NKAIN2: variants seen among roughly 807,000 people sequenced by gnomAD.
NKAIN2 encodes sodium/potassium transporting ATPase interacting 2.
A neutral mutation model predicts 32.6 loss-of-function variants in NKAIN2; 14 were observed. The ratio of observed to expected loss-of-function variants is 0.43; its 90% CI spans 0.28 to 0.67. NKAIN2 has a LOEUF of 0.67. NKAIN2 is among the 30% of genes least tolerant of loss of function. The pLI, the probability that NKAIN2 is intolerant of heterozygous loss-of-function variation, is 0.17. For synonymous variants in NKAIN2, 80 were observed against 87.2 expected (o/e 0.92, Z 0.46); for missense variants, 198 against 258.3 (o/e 0.77, Z 1.60).
chr6:123,906,370 G>GGCA (rs1562250305), intron 1 of NKAIN2, among the ~76,000 whole-genome samples: 2 of 151,316 alleles, frequency 1.3e-5, no homozygotes, highest in Non-Finnish European at 2.9e-5. Flanking sequence ...GGCTCACTGC[G>GGCA]GTCTCGACTT....
intron 1 of NKAIN2, among the ~76,000 whole-genome samples, chr6:124,166,226 G>T (rs1457445379): frequency 6.9e-6 from 1 of 145,784 alleles, no homozygotes; most frequent in Admixed American, 6.9e-5. Context: ...GTGTGAGATG[G>T]TATCTCATTG....
At chr6:124,707,780 A>G (rs1438042221) in intron 4 of NKAIN2, among the ~76,000 whole-genome samples, 5 of 151,618 alleles carry the variant, frequency 3.3e-5, no homozygotes, top group African/African-American at 4.9e-5. Flanking sequence ...ATTTTCTCCC[A>G]TTGTGTAGGT....
At chr6:123,962,638 A>G (rs140870281) in intron 1 of NKAIN2, among the ~76,000 whole-genome samples, 7 of 152,266 alleles carry the variant, frequency 4.6e-5, no homozygotes, top group Non-Finnish European at 8.8e-5. Flanking sequence ...ATTGCACTTT[A>G]GTCATGAGTA....
chr6:124,369,028 G>A (rs190732219), intron 3 of NKAIN2, among the ~76,000 whole-genome samples: 2 of 152,126 alleles, frequency 1.3e-5, no homozygotes, highest in East Asian at 3.9e-4. Context: ...GAAGCAATGA[G>A]GATATTACTA....
At chr6:124,644,877 A>G (rs1022825436) in intron 3 of NKAIN2, among the ~76,000 whole-genome samples, 3 of 152,198 alleles carry the variant, frequency 2.0e-5, no homozygotes, top group Non-Finnish European at 4.4e-5. Flanking sequence ...ACTTCAAGAA[A>G]ACCCTTATGT....
At chr6:124,755,410 G>A (rs965497782) in intron 4 of NKAIN2, among the ~76,000 whole-genome samples, 3 of 152,024 alleles carry the variant, frequency 2.0e-5, no homozygotes, top group African/African-American at 7.2e-5. Context: ...ATCTTGTCTG[G>A]CAACACCCTC....
intron 4 of NKAIN2, among the ~76,000 whole-genome samples, chr6:124,707,322 G>C (rs1158501477): frequency 6.6e-6 from 1 of 151,976 alleles, no homozygotes; most frequent in Non-Finnish European, 1.5e-5. Context: ...TGTCTTTATA[G>C]CAGAATGATT....
intron 1 of NKAIN2, among the ~76,000 whole-genome samples, chr6:123,914,938 G>A (rs1775413555): frequency 1.3e-5 from 2 of 152,220 alleles, no homozygotes; most frequent in Middle Eastern, 3.4e-3. Flanking sequence ...GCCTCACAAG[G>A]GAGCCTGCAT....
At chr6:124,785,280 T>A (rs544557561) in intron 4 of NKAIN2, among the ~76,000 whole-genome samples, 47 of 152,268 alleles carry the variant, frequency 3.1e-4, no homozygotes, top group African/African-American at 9.4e-4. Context: ...GCTGAGACCT[T>A]CTAATATTTT....
chr6:124,408,204 G>T (rs548477352), intron 3 of NKAIN2, among the ~76,000 whole-genome samples: 1 of 152,006 alleles, frequency 6.6e-6, no homozygotes, highest in African/African-American at 2.4e-5. Flanking sequence ...AGTTTAATTA[G>T]ATCCCATTTG....
intron 1 of NKAIN2, among the ~76,000 whole-genome samples, chr6:123,895,573 G>C (rs1209961986): frequency 1.3e-5 from 2 of 152,164 alleles, no homozygotes; most frequent in African/African-American, 4.8e-5. Flanking sequence ...CTAGGGACAG[G>C]TTAGGGTCAC....
chr6:123,890,300 A>C (rs1291614610), intron 1 of NKAIN2, among the ~76,000 whole-genome samples: 1 of 151,896 alleles, frequency 6.6e-6, no homozygotes, highest in Non-Finnish European at 1.5e-5. Flanking sequence ...TTATAAGACT[A>C]CTCAAGCAGA....
At chr6:124,815,721 C>T (rs1224649204) in intron 5 of NKAIN2, among the ~76,000 whole-genome samples, 1 of 152,126 alleles carries the variant, frequency 6.6e-6, no homozygotes, top group Admixed American at 6.5e-5. Flanking sequence ...TGATCCATCT[C>T]CTGTAAAATA....
rs1182330251 is a variant in NKAIN2, at chr6:124,279,921, A to C, written c.55-3084A>C. On this transcript the variant is annotated intron_variant, in intron 1 of 6. Transcript: ENST00000368417. ...AAATAAAAACTTCATAAAGATAGTA[A>C]TGGAAGGGAAGATAATTCTTTGTGG... Among the ~76,000 whole-genome samples the C allele has an allele frequency of 2.0e-5, 3 of 152,296 alleles. No homozygotes were observed. The East Asian group carries it at 5.8e-4, about 29-fold the overall frequency.
At chr6:124,608,604 T>C (rs1460231794) in intron 3 of NKAIN2, among the ~76,000 whole-genome samples, 1 of 152,206 alleles carries the variant, frequency 6.6e-6, no homozygotes, top group Non-Finnish European at 1.5e-5. Context: ...GCCAAATCTC[T>C]ATCTTGTCAA....
At chr6:124,727,533 GC>G (rs1302235592) in intron 4 of NKAIN2, among the ~76,000 whole-genome samples, 2 of 151,552 alleles carry the variant, frequency 1.3e-5, no homozygotes, top group Admixed American at 6.6e-5. Flanking sequence ...CACCAGGCCT[GC>G]CCTAAAAGAG....
At chr6:123,977,489 T>C (rs1455399777) in intron 1 of NKAIN2, among the ~76,000 whole-genome samples, 2 of 152,174 alleles carry the variant, frequency 1.3e-5, no homozygotes, top group Non-Finnish European at 2.9e-5. Context: ...TACATTTTAA[T>C]CAAATGGTTA....
At chr6:124,423,845 C>G (rs1291541284) in intron 3 of NKAIN2, among the ~76,000 whole-genome samples, 1 of 152,174 alleles carries the variant, frequency 6.6e-6, no homozygotes, top group Non-Finnish European at 1.5e-5. Context: ...GAGATACTGA[C>G]TTCCTTTCCT....
chr6:124,654,398 A>G (rs73575524), intron 3 of NKAIN2, among the ~76,000 whole-genome samples: 3,306 of 152,260 alleles, frequency 0.022, 100 homozygotes, highest in African/African-American at 0.074. Context: ...AATAGGTTCA[A>G]ATGACCTTTA....
Sources: gnomAD v4.1 joint callset for allele counts (sites outside exome capture counted in the v4.1 genomes callset) on GRCh38, gnomAD v4.1.1 for gene constraint, MANE v1.5 for transcripts, NCBI Gene and HGNC (gene_info 2026-07-23, HGNC 2026-07-21) for gene names.